TG: variants seen among roughly 807,000 people sequenced by gnomAD.
TG encodes the protein thyroid hormones.
Under a neutral mutation model 324.7 loss-of-function variants are expected in TG, and 270 were observed. The observed-to-expected ratio is 0.83, with a 90% CI of 0.75 to 0.92. The LOEUF (loss-of-function observed/expected upper bound fraction) is 0.92. Among genes scored for constraint, TG ranks in the 40% least tolerant of loss-of-function variants. The probability of loss-of-function intolerance (pLI) is 0.00; values close to 1 mark genes in which losing one functional copy is unlikely to be tolerated. For missense variants in TG, 3,591 were observed against 3,456.4 expected (o/e 1.04, Z -0.98); for synonymous variants, 1,401 against 1,327.0 (o/e 1.06, Z -1.21).
chr8:133,057,787 A>AAC (rs1841728574), intron 41 of TG, among the ~76,000 whole-genome samples: 1 of 149,090 alleles, frequency 6.7e-6, no homozygotes, highest in Non-Finnish European at 1.5e-5. Context: ...AAAAAAAAAA[A>AAC]CAAAAAAACA....
At chr8:133,061,053 C>G (rs1486014844) in intron 41 of TG, among the ~76,000 whole-genome samples, 5 of 152,206 alleles carry the variant, frequency 3.3e-5, no homozygotes. Context: ...ACTCTGTCGC[C>G]TAGGTTGGAG....
chr8:132,935,943 A>C lies in TG; in HGVS notation c.5041+79A>C, dbSNP rs993287631. On this transcript the variant is annotated intron_variant, in intron 25 of 47. Coordinates refer to ENST00000220616, the MANE Select transcript of TG (RefSeq NM_003235.5). The stretch of plus-strand genomic sequence containing the variant: ...TTTGGAGCTGGTTTCCAGCAGGTGC[A>C]TGTGAGGAGGAGCCAGACTGTCCCG... 2.6e-6 allele frequency: 3 copies of C among 1,136,568 alleles called. No individual in the cohort carries two copies. In the African/African-American group the frequency reaches 4.6e-5, roughly 17 times the overall value. The allele number at this position is 1,136,568 out of a possible 1,614,324, so 70.4% of individuals were successfully genotyped here. A position where few individuals can be genotyped will look rare whatever the true frequency, so the allele number is the denominator to read the frequency against.
Position 132,967,953 on chromosome 8 carries a change from C to T in TG, c.5846C>T (p.Ala1949Val), listed in dbSNP as rs1828873270. The T allele has an allele frequency of 1.9e-6, 3 of 1,613,644 alleles. No homozygotes were observed. Among genetic ancestry groups the T allele is most frequent in the Non-Finnish European group, 1.7e-6 (2 of 1,179,814 alleles). ...CRLILPQMPK[A>V]LFRKKVILED... Reference sequence around the variant, plus strand: ...CTGATCCTGCCTCAGATGCCAAAGGCCCTGTTCCGGAAGAAAGGTGAGCAC... The same window carrying T: ...CTGATCCTGCCTCAGATGCCAAAGGTCCTGTTCCGGAAGAAAGGTGAGCAC... Residue 1949 changes from alanine (A) to valine (V), a missense_variant, in exon 31 of 48, where the codon GCC becomes GTC. Ala to Val is a moderately conservative substitution (Grantham distance 64). Coordinates refer to ENST00000220616, the MANE Select transcript of TG (RefSeq NM_003235.5).
chr8:132,990,212 TAC>T (rs1474810069), intron 35 of TG, among the ~76,000 whole-genome samples: 11 of 150,686 alleles, frequency 7.3e-5, no homozygotes, highest in Non-Finnish European at 1.5e-4. Context: ...CACCCATGTA[TAC>T]AGTCACACAC....
At chr8:132,928,239 G>A (rs1822172741) in intron 22 of TG, among the ~76,000 whole-genome samples, 2 of 152,198 alleles carry the variant, frequency 1.3e-5, no homozygotes, top group African/African-American at 2.4e-5. Context: ...AGCAATGGAT[G>A]TACATAATTA....
chr8:133,038,725 G>T, intron 41 of TG: 1 of 1,613,556 alleles, frequency 6.2e-7, no homozygotes, highest in Non-Finnish European at 8.5e-7. Context: ...TTCCCTCGGG[G>T]TCCTCCTGCA....
intron 14 of TG, 188 bp downstream of exon 14, chr8:132,899,098 C>T (rs1384326680): frequency 7.7e-6 from 5 of 645,874 alleles, no homozygotes; most frequent in Non-Finnish European, 1.4e-5. Context: ...TTCTGTGTCC[C>T]AGTTTGTTTT....
intron 35 of TG, chr8:132,995,626 G>A: frequency 1.6e-6 from 1 of 639,662 alleles, no homozygotes; most frequent in South Asian, 6.9e-5. Flanking sequence ...ATGCTCTTAG[G>A]AGACCCAATT....
chr8:132,964,448 C>T (rs181725685), intron 29 of TG, among the ~76,000 whole-genome samples: 112 of 152,214 alleles, frequency 7.4e-4, no homozygotes, highest in Admixed American at 3.9e-3. Flanking sequence ...GGCATCTCCA[C>T]GTGGGCTCGT....
intron 23 of TG, among the ~76,000 whole-genome samples, chr8:132,930,089 T>A (rs1363729757): frequency 6.6e-6 from 1 of 152,198 alleles, no homozygotes; most frequent in African/African-American, 2.4e-5. Flanking sequence ...GTGATGTAGT[T>A]ATTAAGTAAT....
chr8:132,903,444 T>A (rs1308940099), intron 16 of TG, among the ~76,000 whole-genome samples: 1 of 152,222 alleles, frequency 6.6e-6, no homozygotes, highest in Non-Finnish European at 1.5e-5. Context: ...ACAGCCAGCA[T>A]TGGCCTCTTC....
At chr8:133,095,504 CAT>C (rs1345152384) in intron 42 of TG, among the ~76,000 whole-genome samples, 1 of 152,192 alleles carries the variant, frequency 6.6e-6, no homozygotes, top group Non-Finnish European at 1.5e-5. Context: ...TGAAGTCACA[CAT>C]GTGAAGGATT....
chr8:133,133,046 A>C (rs1254447959), intron 46 of TG, among the ~76,000 whole-genome samples: 1 of 152,154 alleles, frequency 6.6e-6, no homozygotes, highest in Non-Finnish European at 1.5e-5. Context: ...AACAGGTCTG[A>C]CATCCCCTTT....
At chr8:133,102,052 A>G (rs78264501) in intron 43 of TG, among the ~76,000 whole-genome samples, 4,258 of 152,298 alleles carry the variant, frequency 0.028, 214 homozygotes, top group African/African-American at 0.097. Flanking sequence ...CAAATACACA[A>G]CAATATCTGG....
chr8:132,877,658 G>A (rs1814017258), intron 5 of TG, among the ~76,000 whole-genome samples: 2 of 152,182 alleles, frequency 1.3e-5, no homozygotes, highest in African/African-American at 4.8e-5. Context: ...TAATTTCTCT[G>A]TCTAGGTTGG....
At chr8:132,897,572 A>G in intron 11 of TG, 77 bp from the exon 12 acceptor site, 1 of 1,587,654 alleles carries the variant, frequency 6.3e-7, no homozygotes, top group Non-Finnish European at 8.6e-7. Flanking sequence ...GAACCAGGAC[A>G]TACGTGGTTG....
Position 132,972,820 on chromosome 8 carries a change from GGATTGGTGAGTA to G in TG, c.6199+84_6199+95del, listed in dbSNP as rs1587640695. On this transcript the variant is annotated intron_variant, in intron 34 of 47. Coordinates refer to ENST00000220616, the MANE Select transcript of TG (RefSeq NM_003235.5). ...AGCCATGCATTAGGACAATATTCTT[GGATTGGTGAGTA>G]GATTAATGAAGACTCATTGGGTTCA... is the stretch of plus-strand genomic sequence containing the variant. 8.3e-6 allele frequency: 13 copies of G among 1,563,806 alleles called. No homozygotes were observed. In the East Asian group the frequency reaches 2.7e-4, roughly 32 times the overall value.
At chr8:133,039,150 G>A (rs1355482716) in intron 41 of TG, among the ~76,000 whole-genome samples, 6 of 152,182 alleles carry the variant, frequency 3.9e-5, no homozygotes, top group South Asian at 2.1e-4. Context: ...AAGTGCTGGG[G>A]TTACAGGCGT....
intron 38 of TG, among the ~76,000 whole-genome samples, chr8:133,018,434 TGGCCATATCTGATCTTA>T (rs1196126805): frequency 6.6e-6 from 1 of 152,142 alleles, no homozygotes; most frequent in African/African-American, 2.4e-5. Flanking sequence ...CTCAGCTTCC[TGGCCATATCTGATCTTA>T]ATGAAGCTGG....
Sources: gnomAD v4.1 joint callset for allele counts (sites outside exome capture counted in the v4.1 genomes callset) on GRCh38, gnomAD v4.1.1 for gene constraint, MANE v1.5 for transcripts, NCBI Gene and HGNC (gene_info 2026-07-23, HGNC 2026-07-21) for gene names.